Variants in KATNAL2 observed in about 807,000 individuals in gnomAD.
KATNAL2 encodes the protein katanin catalytic subunit A1 like 2.
KATNAL2 carries 52 observed loss-of-function variants against 76.3 expected under a neutral mutation model. That is an observed-to-expected ratio of 0.68 (90% CI 0.55 to 0.86). The LOEUF is 0.86. Among genes scored for constraint, KATNAL2 ranks in the 40% least tolerant of loss-of-function variants. KATNAL2 has a pLI of 0.00. For missense variants in KATNAL2, 660 were observed against 668.9 expected (o/e 0.99, Z 0.15); for synonymous variants, 243 against 244.2 (o/e 1.00, Z 0.05).
intron 1 of KATNAL2, among the ~76,000 whole-genome samples, chr18:46,924,392 G>A (rs1054651235): frequency 9.9e-5 from 15 of 152,240 alleles, no homozygotes; most frequent in African/African-American, 3.6e-4. Flanking sequence ...TTGTAGATAT[G>A]CAGCATTATT....
chr18:46,932,170 CA>C (rs2058946312), intron 1 of KATNAL2, among the ~76,000 whole-genome samples: 1 of 152,112 alleles, frequency 6.6e-6, no homozygotes, highest in African/African-American at 2.4e-5. Flanking sequence ...CTTGGCCTCC[CA>C]AAGTGCTGGG....
intron 3 of KATNAL2, chr18:47,033,924 A>T (rs200906990): frequency 6.2e-7 from 1 of 1,613,016 alleles, no homozygotes; most frequent in Non-Finnish European, 8.5e-7. Context: ...GCCCGGCGGA[A>T]TCAGCGCCGG....
intron 3 of KATNAL2, among the ~76,000 whole-genome samples, chr18:47,038,635 A>G (rs948161173): frequency 5.9e-5 from 9 of 152,208 alleles, no homozygotes; most frequent in African/African-American, 2.4e-5. Flanking sequence ...ATTCCCACCA[A>G]TTGTATCTGA....
chr18:47,073,442 T>C (rs1162769573), intron 13 of KATNAL2, among the ~76,000 whole-genome samples: 3 of 152,228 alleles, frequency 2.0e-5, no homozygotes, highest in African/African-American at 4.8e-5. Flanking sequence ...AGAAATTACA[T>C]CATTTTCTCT....
chr18:46,967,375 C>T (rs2060163081), intron 3 of KATNAL2, among the ~76,000 whole-genome samples: 1 of 119,832 alleles, frequency 8.3e-6, no homozygotes, highest in African/African-American at 3.2e-5. Context: ...GGACTTTGAT[C>T]TCTTCTGCTG....
At chr18:47,058,556 G>A (rs1416725570) in intron 7 of KATNAL2, among the ~76,000 whole-genome samples, 1 of 151,956 alleles carries the variant, frequency 6.6e-6, no homozygotes, top group Non-Finnish European at 1.5e-5. Flanking sequence ...TAACTTGAGT[G>A]GGAGGACTTT....
intron 3 of KATNAL2, chr18:47,033,244 G>C (rs373374028): frequency 1.2e-6 from 2 of 1,613,652 alleles, no homozygotes; most frequent in African/African-American, 2.7e-5. Context: ...CTTGGAGGCT[G>C]GCTTGATCTC....
intron 1 of KATNAL2, among the ~76,000 whole-genome samples, chr18:46,919,568 G>A (rs899304418): frequency 1.3e-5 from 2 of 152,058 alleles, no homozygotes; most frequent in African/African-American, 2.4e-5. Flanking sequence ...AAAATTGCTT[G>A]AACCCAGGAG....
At position 46,946,422 on chromosome 18, in the gene KATNAL2, T is replaced by A; in HGVS notation, c.-144T>A. ...CAGAGAATTTCAAAGAAAAGCAGAATAGATTTCCAAACCTTTACCCTAATC... is the reference window on the plus strand; with the variant it reads ...CAGAGAATTTCAAAGAAAAGCAGAAAAGATTTCCAAACCTTTACCCTAATC... On this transcript the variant is annotated 5_prime_UTR_variant, in exon 2 of 18. An upstream open reading frame in the 5' UTR loses its in-frame stop. Transcript: ENST00000683218. 1 of 1,036,728 alleles carries A rather than the reference T, an allele frequency of 9.6e-7. No homozygotes were observed. The highest frequency in any genetic ancestry group is 1.2e-6 in the Non-Finnish European group (1 of 859,986). The allele number at this position is 1,036,728 out of a possible 1,614,324, so 64.2% of individuals were successfully genotyped here.
At chr18:46,929,309 C>T (rs766861840) in intron 1 of KATNAL2, among the ~76,000 whole-genome samples, 5 of 151,862 alleles carry the variant, frequency 3.3e-5, no homozygotes, top group Admixed American at 6.6e-5. Flanking sequence ...ATGGCATGAT[C>T]GCAGCTCACT....
Position 47,077,436 on chromosome 18 carries a change from G to A in KATNAL2, c.1186G>A (p.Val396Ile). ...GLARSEDLVF[V>I]LAASNLPWEL... ...GGCACGCTCAGAAGATCTCGTATTT[G>A]TCTTAGCAGCTTCTAACCTGCCGTG... is the stretch of plus-strand genomic sequence containing the variant. Residue 396 changes from valine to isoleucine, a missense_variant, in exon 15 of 18, where the codon GTC (valine) becomes ATC (isoleucine). Physicochemically the swap from Val to Ile is conservative, Grantham distance 29. Coordinates refer to ENST00000683218, the MANE Select transcript of KATNAL2 (RefSeq NM_001387690.1). 1 of 1,613,854 alleles carries A rather than the reference G, an allele frequency of 6.2e-7. No homozygotes were observed.
At position 47,100,883 on chromosome 18, in the gene KATNAL2, A is replaced by G; in HGVS notation, c.1495A>G (p.Arg499Gly). 6.2e-7 allele frequency: 1 copy of G among 1,614,206 alleles called. No homozygotes were observed. Among genetic ancestry groups the G allele is most frequent in the Non-Finnish European group, 8.5e-7 (1 of 1,180,036 alleles). The change falls in exon 18 of 18, where the codon AGG becomes GGG. Residue 499 changes from arginine to glycine, a missense_variant. Arg to Gly is a moderately radical substitution (Grantham distance 125). Coordinates refer to ENST00000683218, the MANE Select transcript of KATNAL2 (RefSeq NM_001387690.1). The stretch of plus-strand genomic sequence containing the variant: ...TATCCTAGAAAGCAGCGACTTACCC[A>G]GGATCCAGTTGGATATAGTAACCAC... ...NHQSESSDLP[R>G]IQLDIVTTAD...
intron 6 of KATNAL2, 68 bp downstream of exon 6, chr18:47,054,506 C>G (rs936556677): frequency 5.8e-5 from 84 of 1,455,126 alleles, no homozygotes; most frequent in Admixed American, 1.3e-4. Flanking sequence ...TTTCCAGAAG[C>G]TTTACCATCA....
chr18:47,035,533 T>G, intron 3 of KATNAL2: 1 of 682,168 alleles, frequency 1.5e-6, no homozygotes, highest in East Asian at 2.8e-5. Context: ...CAGTTTGCTG[T>G]GCAACAAAGA....
chr18:46,925,058 A>G (rs746166693), intron 1 of KATNAL2, among the ~76,000 whole-genome samples: 10 of 152,068 alleles, frequency 6.6e-5, no homozygotes, highest in African/African-American at 1.7e-4. Flanking sequence ...TCTTTTCCCA[A>G]TTGAATACCC....
chr18:46,948,437 T>C (rs1324824548), intron 3 of KATNAL2, among the ~76,000 whole-genome samples: 1 of 151,196 alleles, frequency 6.6e-6, no homozygotes, highest in Non-Finnish European at 1.5e-5. Context: ...TTTTTTTTTT[T>C]TTTTGAGTCG....
intron 9 of KATNAL2, 63 bp from the exon 10 acceptor site, chr18:47,063,221 C>T (rs937863202): frequency 7.1e-6 from 11 of 1,546,150 alleles, no homozygotes; most frequent in African/African-American, 6.8e-5. Context: ...TGTGCATGCC[C>T]GGGGTTTCTT....
chr18:47,044,065 A>G (rs2061065956), intron 3 of KATNAL2, among the ~76,000 whole-genome samples: 1 of 152,236 alleles, frequency 6.6e-6, no homozygotes, highest in South Asian at 2.1e-4. Context: ...AGTACATATC[A>G]GAAGAAACAG....
intron 3 of KATNAL2, among the ~76,000 whole-genome samples, chr18:46,956,678 A>G (rs904857899): frequency 1.3e-5 from 2 of 152,200 alleles, no homozygotes; most frequent in African/African-American, 4.8e-5. Flanking sequence ...TCTGACTAGC[A>G]AATTGATCTT....
Sources: allele counts gnomAD v4.1 joint callset (sites outside exome capture counted in the v4.1 genomes callset), GRCh38; gene constraint gnomAD v4.1.1; transcripts MANE v1.5; gene names NCBI Gene and HGNC (gene_info 2026-07-23, HGNC 2026-07-21).